Variants in ARHGEF9 observed in about 807,000 individuals in gnomAD.
ARHGEF9 encodes Cdc42 guanine nucleotide exchange factor 9, also known as rho guanine nucleotide exchange factor 9.
In ARHGEF9, 2 loss-of-function variants were observed where a neutral mutation model predicts 41.3. The observed-to-expected ratio is 0.05, with a 90% CI of 0.02 to 0.15. ARHGEF9 has a LOEUF of 0.15. ARHGEF9 is among the 10% of genes least tolerant of loss of function. The probability of loss-of-function intolerance (pLI) is 1.00; values close to 1 mark genes in which losing one functional copy is unlikely to be tolerated. For synonymous variants in ARHGEF9, 160 were observed against 154.4 expected, an observed-to-expected ratio of 1.04 and a Z score of -0.27; for missense variants, 225 against 424.7, an observed-to-expected ratio of 0.53 and a Z score of 4.13.
At chrX:63,685,541 G>A (rs1602394219) in intron 4 of ARHGEF9, among the ~76,000 whole-genome samples, 1 of 111,928 alleles carries the variant, frequency 8.9e-6, no homozygotes, top group East Asian at 2.8e-4. Context: ...TAAGTTGGAG[G>A]AGTTATGCTA....
chrX:63,642,814 A>T (rs201473106), intron 9 of ARHGEF9: 1 of 111,686 alleles, frequency 9.0e-6, no homozygotes, highest in East Asian at 2.8e-4. Flanking sequence ...ACCTGGGGAC[A>T]GTGAACATGG....
chrX:63,649,074 T>C (rs1395111604), intron 8 of ARHGEF9, among the ~76,000 whole-genome samples: 1 of 111,194 alleles, frequency 9.0e-6, no homozygotes, highest in Non-Finnish European at 1.9e-5. Context: ...TATCCAGGAA[T>C]TGAACTCAGC....
intron 1 of ARHGEF9, among the ~76,000 whole-genome samples, chrX:63,744,972 T>G (rs1293875154): frequency 1.8e-5 from 2 of 111,516 alleles, no homozygotes; most frequent in Admixed American, 9.5e-5. Flanking sequence ...CCTCTGCCTC[T>G]ATCCCAATGC....
chrX:63,646,608 T>C (rs185895407), intron 8 of ARHGEF9, among the ~76,000 whole-genome samples: 1 of 112,119 alleles, frequency 8.9e-6, no homozygotes, highest in Non-Finnish European at 1.9e-5. Context: ...TTGGTACCAC[T>C]ATCATGCTGT....
Position 63,697,231 on chromosome X carries a change from A to G in ARHGEF9, c.476T>C (p.Ile159Thr). Reference sequence around the variant, plus strand: ...CATCTGAAATCTGTAGATATCTTCAATGTTCCCAAAGATTACCTTCAGTTG... The same window carrying G: ...CATCTGAAATCTGTAGATATCTTCAGTGTTCCCAAAGATTACCTTCAGTTG... The part of the protein sequence containing the change: ...DEQLKVIFGN[I>T]EDIYRFQMGF... The change falls in exon 4 of 10, where the codon ATT becomes ACT. Residue 159 changes from isoleucine to threonine, a missense_variant. Physicochemically the swap from Ile to Thr is moderately conservative, Grantham distance 89 (BLOSUM62 -1). This residue lies in a region of ARHGEF9 where 114 missense variants were observed against 197.9 expected (regional missense o/e 0.58). Coordinates refer to ENST00000671741, the MANE Select transcript of ARHGEF9 (RefSeq NM_001353921.2). The G allele has an allele frequency of 8.3e-7, 1 of 1,210,600 alleles. No individual in the cohort carries two copies. The highest frequency in any genetic ancestry group is 1.7e-5 in the African/African-American group (1 of 57,598).
rs781787592 is a variant in ARHGEF9 at position 63,682,840 on chromosome X, A to T, written c.583-4268T>A. The stretch of plus-strand genomic sequence containing the variant: ...TATTAATATTAAAAATTTCCTCAGC[A>T]TAAGAAAGGCCATTTATGAGATGCC... On this transcript the variant is annotated intron_variant, in intron 4 of 9. Coordinates refer to ENST00000671741, the MANE Select transcript of ARHGEF9 (RefSeq NM_001353921.2). Among the ~76,000 whole-genome samples, 13 of 112,089 alleles carry T rather than the reference A, an allele frequency of 1.2e-4. No homozygotes were observed. The East Asian group carries it at 3.6e-3, about 31-fold the overall frequency.
At chrX:63,646,592 T>C (rs2048094211) in intron 8 of ARHGEF9, among the ~76,000 whole-genome samples, 1 of 111,957 alleles carries the variant, frequency 8.9e-6, no homozygotes, top group Admixed American at 9.5e-5. Flanking sequence ...GGTTTATATC[T>C]CTGTTTTGGT....
intron 2 of ARHGEF9, among the ~76,000 whole-genome samples, chrX:63,716,832 C>G (rs1164398422): frequency 8.9e-5 from 10 of 111,772 alleles, no homozygotes; most frequent in African/African-American, 2.9e-4. Context: ...CTCAGCCTAT[C>G]CCAACCCACA....
intron 4 of ARHGEF9, among the ~76,000 whole-genome samples, chrX:63,688,663 AG>A (rs1450687180): frequency 1.8e-5 from 2 of 112,058 alleles, no homozygotes; most frequent in East Asian, 5.6e-4. Flanking sequence ...CCACCTACTC[AG>A]GAAGCTGAGA....
chrX:63,635,041 T>C lies in ARHGEF9; in HGVS notation c.*2987A>G. 3.6e-6 allele frequency: 1 copy of C among 278,255 alleles called. No homozygotes were observed. The highest frequency in any genetic ancestry group is 6.2e-6 in the Non-Finnish European group (1 of 160,762). The allele number at this position is 278,255 out of a possible 1,213,427, so 22.9% of individuals were successfully genotyped here. A position where few individuals can be genotyped will look rare whatever the true frequency, so the allele number is the denominator to read the frequency against. ...TGTGTCATTACAACATTTTTTTTGT[T>C]AAACATTTTTTAACACACAACTTTG... is the stretch of plus-strand genomic sequence containing the variant. On this transcript the variant is annotated 3_prime_UTR_variant, in exon 10 of 10. Transcript: ENST00000671741.
intron 1 of ARHGEF9, among the ~76,000 whole-genome samples, chrX:63,737,445 A>C (rs782808004): frequency 8.0e-5 from 9 of 111,906 alleles, no homozygotes; most frequent in South Asian, 3.7e-4. Flanking sequence ...GTGGCCCCCC[A>C]AAAAAAATGA....
Position 63,744,956 on chromosome X carries a change from G to C in ARHGEF9, c.31-20245C>G, listed in dbSNP as rs151226466. 5.2e-3 allele frequency among the ~76,000 whole-genome samples: 576 copies of C among 111,720 alleles called. 4 individuals are homozygous for C. The highest frequency in any genetic ancestry group is 0.017 in the African/African-American group (535 of 30,740). On this transcript the variant is annotated intron_variant, in intron 1 of 9. Transcript: ENST00000671741. ...TCAGAGCCCCTCCTAGAGATGCCTA[G>C]CTCCTCCTCTGCCTCTATCCCAATG...
chrX:63,721,939 G>A (rs1257114573), intron 2 of ARHGEF9, among the ~76,000 whole-genome samples: 1 of 111,683 alleles, frequency 9.0e-6, no homozygotes, highest in Admixed American at 9.5e-5. Context: ...CTGAACAACA[G>A]AGGAGACAGG....
chrX:63,719,626 C>CA, intron 2 of ARHGEF9: 1 of 296,887 alleles, frequency 3.4e-6, no homozygotes, highest in Non-Finnish European at 5.9e-6. Flanking sequence ...AAAAGGGCAG[C>CA]AAAAATTTGG....
intron 1 of ARHGEF9, among the ~76,000 whole-genome samples, chrX:63,758,740 A>C (rs1394465417): frequency 8.9e-6 from 1 of 112,293 alleles, no homozygotes; most frequent in African/African-American, 3.2e-5. Context: ...TCTCTTCCTC[A>C]ACAATATTCT....
Position 63,706,566 on chromosome X carries a change from G to C in ARHGEF9, c.211-117C>G, listed in dbSNP as rs1399661094. ...GGTATTCAGAGAACCTTCAACCAGA[G>C]ACCTGTGCAAGTAGAATTCGAAACC... On this transcript the variant is annotated intron_variant, in intron 2 of 9. Coordinates refer to ENST00000671741, the MANE Select transcript of ARHGEF9 (RefSeq NM_001353921.2). 6.8e-6 allele frequency: 6 copies of C among 883,474 alleles called. No homozygotes were observed. The African/African-American group carries it at 1.2e-4, about 18-fold the overall frequency. 72.8% of individuals were successfully genotyped at this position (883,474 alleles called of 1,213,427 possible).
chrX:63,757,179 C>G (rs2055950315), intron 1 of ARHGEF9, among the ~76,000 whole-genome samples: 1 of 111,481 alleles, frequency 9.0e-6, no homozygotes, highest in Non-Finnish European at 1.9e-5. Flanking sequence ...TCTCATTCTG[C>G]ATTTGCACTG....
At position 63,785,173 on chromosome X, in the gene ARHGEF9, G is replaced by C; in HGVS notation, c.-28C>G. On this transcript the variant is annotated 5_prime_UTR_variant, in exon 1 of 10. Coordinates refer to ENST00000671741, the MANE Select transcript of ARHGEF9 (RefSeq NM_001353921.2). ...TGCTTGCGAAGTCCGGCTTCTCTGAGGCCCCGTAGCTGGCGCGAGTTGTCG... is the reference window on the plus strand; with the variant it reads ...TGCTTGCGAAGTCCGGCTTCTCTGACGCCCCGTAGCTGGCGCGAGTTGTCG... The C allele has an allele frequency of 8.6e-7, 1 of 1,162,227 alleles. No individual in the cohort carries two copies. The highest frequency in any genetic ancestry group is 1.1e-6 in the Non-Finnish European group (1 of 869,831).
intron 7 of ARHGEF9, among the ~76,000 whole-genome samples, chrX:63,662,458 C>T (rs782033515): frequency 1.8e-5 from 2 of 111,641 alleles, no homozygotes; most frequent in Non-Finnish European, 3.8e-5. Flanking sequence ...TCTCAGAAAG[C>T]CAAAGATGAC....
Sources: allele counts gnomAD v4.1 joint callset (sites outside exome capture counted in the v4.1 genomes callset), GRCh38; gene constraint gnomAD v4.1.1; regional missense constraint gnomAD v4.1.1; transcripts MANE v1.5; gene names NCBI Gene and HGNC (gene_info 2026-07-23, HGNC 2026-07-21).